The following BCAS3 variants were observed in gnomAD, a reference collection of about 807,000 sequenced individuals.
BCAS3 encodes the protein BCAS3 microtubule associated cell migration factor.
In BCAS3, 53 loss-of-function variants were observed where a neutral mutation model predicts 116.1. The ratio of observed to expected loss-of-function variants is 0.46; its 90% CI spans 0.37 to 0.57. The LOEUF is 0.57. Among genes scored for constraint, BCAS3 ranks in the 20% least tolerant of loss-of-function variants. The probability of loss-of-function intolerance (pLI) is 0.00; values close to 1 mark genes in which losing one functional copy is unlikely to be tolerated. For missense variants in BCAS3, 917 were observed against 1,165.4 expected, an observed-to-expected ratio of 0.79 and a Z score of 3.10; for synonymous variants, 391 against 408.2, an observed-to-expected ratio of 0.96 and a Z score of 0.51.
chr17:60,833,956 T>C (rs1280474840), intron 7 of BCAS3, among the ~76,000 whole-genome samples: 1 of 152,164 alleles, frequency 6.6e-6, no homozygotes, highest in African/African-American at 2.4e-5. Context: ...TATCTGTAGG[T>C]ATTTGGTGCA....
intron 14 of BCAS3, among the ~76,000 whole-genome samples, chr17:60,971,265 G>A (rs1382378718): frequency 1.3e-5 from 2 of 152,204 alleles, no homozygotes; most frequent in African/African-American, 4.8e-5. Flanking sequence ...CTGAGGAAAA[G>A]TCAGTAAAAA....
chr17:60,882,016 A>G (rs1168501877), intron 9 of BCAS3, among the ~76,000 whole-genome samples: 3 of 148,884 alleles, frequency 2.0e-5, no homozygotes, highest in Admixed American at 6.6e-5. Flanking sequence ...GAATCGCCAC[A>G]CTGACTTCCA....
intron 5 of BCAS3, among the ~76,000 whole-genome samples, chr17:60,721,981 T>C (rs2039289638): frequency 6.6e-6 from 1 of 152,186 alleles, no homozygotes; most frequent in Non-Finnish European, 1.5e-5. Context: ...GCTCTTATGT[T>C]CTGGCTTGTC....
rs1405593837 is a variant in BCAS3 at position 61,095,076 on chromosome 17, A to G, written c.2425+10512A>G. On this transcript the variant is annotated intron_variant, in intron 22 of 23. Coordinates refer to ENST00000407086, the MANE Select transcript of BCAS3 (RefSeq NM_017679.5). The surrounding 1 kb of genome is among the most constrained non-coding windows in gnomAD (Gnocchi z 4.7). ...TAATTGATATAGTTTCAGATTCCACATTGCAACTAATTTGTTAAGGATCAT... is the reference window on the plus strand; with the variant it reads ...TAATTGATATAGTTTCAGATTCCACGTTGCAACTAATTTGTTAAGGATCAT... 2.6e-5 allele frequency among the ~76,000 whole-genome samples: 4 copies of G among 152,214 alleles called. No homozygotes were observed. The highest frequency in any genetic ancestry group is 6.5e-5 in the Admixed American group (1 of 15,288).
chr17:61,357,345 G>C (rs1487492471), intron 22 of BCAS3, among the ~76,000 whole-genome samples: 1 of 149,854 alleles, frequency 6.7e-6, no homozygotes, highest in East Asian at 1.9e-4. Flanking sequence ...AGGGAGGATT[G>C]CTTCAGCCCA....
At position 61,320,454 on chromosome 17, in the gene BCAS3, G is replaced by A. The variant is rs534104644; in HGVS notation, c.2426-47873G>A. On this transcript the variant is annotated intron_variant, in intron 22 of 23. Transcript: ENST00000407086. ...CCCAGCACTTTGGAAGGTAGAGGCG[G>A]ACAGATTACGAGGTCAGGAGATCGA... Among the ~76,000 whole-genome samples the A allele has an allele frequency of 1.3e-4, 20 of 152,052 alleles. No individual in the cohort carries two copies. The East Asian group carries it at 3.9e-3, about 30-fold the overall frequency.
intron 6 of BCAS3, among the ~76,000 whole-genome samples, chr17:60,790,144 A>G (rs1227946478): frequency 6.6e-6 from 1 of 152,186 alleles, no homozygotes; most frequent in East Asian, 1.9e-4. Context: ...TAAACTTTAT[A>G]AATTTTTAGT....
At chr17:61,184,446 A>G (rs796657842) in intron 22 of BCAS3, among the ~76,000 whole-genome samples, 6 of 152,290 alleles carry the variant, frequency 3.9e-5, no homozygotes, top group African/African-American at 9.6e-5. Flanking sequence ...AAGACTGACA[A>G]TACCAAGAGC....
intron 6 of BCAS3, among the ~76,000 whole-genome samples, chr17:60,784,720 T>C (rs1191447777): frequency 1.3e-5 from 2 of 152,164 alleles, no homozygotes; most frequent in African/African-American, 4.8e-5. Flanking sequence ...TACAGATACA[T>C]GCTACTGTGC....
intron 13 of BCAS3, among the ~76,000 whole-genome samples, chr17:60,939,831 T>G (rs1567918956): frequency 6.6e-6 from 1 of 152,188 alleles, no homozygotes; most frequent in Non-Finnish European, 1.5e-5. Flanking sequence ...AGGTTAAAGT[T>G]TTAAAAAACA....
rs932592650 is a variant in BCAS3, at chr17:61,261,509, C to T, written c.2426-106818C>T. On this transcript the variant is annotated intron_variant, in intron 22 of 23. Transcript: ENST00000407086. The surrounding 1 kb of genome is among the most constrained non-coding windows in gnomAD (Gnocchi z 4.4). ...ATTTTGTCCACATCTGTTTTCCAAC[C>T]TCATTACTCTTCTGTTATTACATTC... 1.1e-4 allele frequency among the ~76,000 whole-genome samples: 17 copies of T among 152,120 alleles called. No homozygotes were observed. Among genetic ancestry groups the T allele is most frequent in the Non-Finnish European group, 1.6e-4 (11 of 68,026 alleles).
At chr17:61,271,423 G>GGTTTTTTTTTTTTTTTT (rs1428434597) in intron 22 of BCAS3, among the ~76,000 whole-genome samples, 4 of 6,084 alleles carry the variant, frequency 6.6e-4, no homozygotes, top group South Asian at 3.6e-3. Flanking sequence ...ACCATGCCCG[G>GGTTTTTTTTTTTTTTTT]ATTTTTTTTT....
chr17:60,848,193 A>C (rs569802226), intron 7 of BCAS3, among the ~76,000 whole-genome samples: 1 of 152,314 alleles, frequency 6.6e-6, no homozygotes, highest in East Asian at 1.9e-4. Context: ...CAGTATTTTG[A>C]TAACCCTAGT....
chr17:60,761,060 T>C (rs958871075), intron 6 of BCAS3, among the ~76,000 whole-genome samples: 2 of 152,154 alleles, frequency 1.3e-5, no homozygotes, highest in Non-Finnish European at 2.9e-5. Flanking sequence ...ATTTCTGTTT[T>C]GTTCTTTTTA....
In BCAS3 at chr17:61,244,502, G is replaced by A. The variant is rs1417912429; in HGVS notation, c.2426-123825G>A. Among the ~76,000 whole-genome samples the A allele has an allele frequency of 6.6e-6, 1 of 152,130 alleles. No individual in the cohort carries two copies. Among genetic ancestry groups the A allele is most frequent in the Admixed American group, 6.6e-5 (1 of 15,266 alleles). On this transcript the variant is annotated intron_variant, in intron 22 of 23. Coordinates refer to ENST00000407086, the MANE Select transcript of BCAS3 (RefSeq NM_017679.5). The surrounding 1 kb of genome is among the most constrained non-coding windows in gnomAD (Gnocchi z 4.9). ...AGAATAACAATAGGTAAAATTCAGA[G>A]TATTATTTTAATTTACTGTTAAAAT...
Position 60,956,093 on chromosome 17 carries a change from ATTCCT to A in BCAS3, c.1221+8744_1221+8748del, listed in dbSNP as rs2061119534. ...CCATTCTGCATTGAACTTTCAATTC[ATTCCT>A]TTATTTACCTATCATTTTGGTCTCA... is the stretch of plus-strand genomic sequence containing the variant. On this transcript the variant is annotated intron_variant, in intron 14 of 23. Transcript: ENST00000407086. This position sits in a 1 kb window ranked among gnomAD's most constrained non-coding sequence, Gnocchi z 4.2. Among the ~76,000 whole-genome samples the A allele has an allele frequency of 6.6e-6, 1 of 152,174 alleles. No homozygotes were observed. Among genetic ancestry groups the A allele is most frequent in the Admixed American group, 6.5e-5 (1 of 15,268 alleles).
At chr17:61,369,110 A>C (rs1430673336) in intron 23 of BCAS3, among the ~76,000 whole-genome samples, 3 of 152,208 alleles carry the variant, frequency 2.0e-5, no homozygotes, top group African/African-American at 7.2e-5. Flanking sequence ...ACACACACAC[A>C]ACATGCACTC....
chr17:61,114,487 CA>C (rs1449650548), intron 22 of BCAS3, among the ~76,000 whole-genome samples: 2 of 149,748 alleles, frequency 1.3e-5, no homozygotes, highest in African/African-American at 4.9e-5. Context: ...CTCCCATTCA[CA>C]ATTGCTTCAA....
chr17:61,072,447 T>C (rs1010336310), intron 19 of BCAS3, among the ~76,000 whole-genome samples: 1 of 152,158 alleles, frequency 6.6e-6, no homozygotes, highest in African/African-American at 2.4e-5. Flanking sequence ...CCAGCCATTC[T>C]AGTGCCGTTA....
Sources: gnomAD v4.1 joint callset for allele counts (sites outside exome capture counted in the v4.1 genomes callset) on GRCh38, gnomAD v4.1.1 for gene constraint, Gnocchi (gnomAD v3.1) non-coding constraint, MANE v1.5 for transcripts, NCBI Gene and HGNC (gene_info 2026-07-23, HGNC 2026-07-21) for gene names.